The following TRAPPC8 variants were observed in gnomAD, a reference collection of about 807,000 sequenced individuals.
The protein encoded by TRAPPC8 is general sporulation gene 1 homolog.
In TRAPPC8, 54 loss-of-function variants were observed where a neutral mutation model predicts 174.3. The observed-to-expected ratio is 0.31, with a 90% CI of 0.25 to 0.39. The LOEUF (loss-of-function observed/expected upper bound fraction) is 0.39. Ranked by LOEUF, TRAPPC8 falls within the 10% of genes least tolerant of loss-of-function variation. The probability of loss-of-function intolerance (pLI) is 1.00; values close to 1 mark genes in which losing one functional copy is unlikely to be tolerated. For synonymous variants in TRAPPC8, 630 were observed against 579.9 expected (o/e 1.09, Z -1.24); for missense variants, 1,531 against 1,699.1 (o/e 0.90, Z 1.74).
At chr18:31,877,703 C>T (rs1481944505) in intron 12 of TRAPPC8, among the ~76,000 whole-genome samples, 1 of 150,824 alleles carries the variant, frequency 6.6e-6, no homozygotes, top group Non-Finnish European at 1.5e-5. Flanking sequence ...GCGGGTGGAT[C>T]ACCTGAGGTT....
At chr18:31,875,315 TATA>T (rs932874134) in intron 12 of TRAPPC8, among the ~76,000 whole-genome samples, 40 of 148,980 alleles carry the variant, frequency 2.7e-4, no homozygotes, top group Non-Finnish European at 4.5e-4. Flanking sequence ...ACAAATAATA[TATA>T]ATAATATATA....
intron 12 of TRAPPC8, among the ~76,000 whole-genome samples, chr18:31,888,165 C>T (rs112748337): frequency 0.059 from 9,023 of 152,250 alleles, 282 homozygotes; most frequent in Middle Eastern, 0.11. Context: ...GAATGCTCAA[C>T]ATCACTGATC....
intron 4 of TRAPPC8, among the ~76,000 whole-genome samples, chr18:31,914,895 G>T (rs1290231899): frequency 6.6e-6 from 1 of 152,016 alleles, no homozygotes; most frequent in East Asian, 1.9e-4. Flanking sequence ...ATATTAAAGG[G>T]AACATTAAAA....
At position 31,866,868 on chromosome 18, in the gene TRAPPC8, A is replaced by G. The variant is rs1433464741; in HGVS notation, c.2571T>C (p.Ala857=). ...QGSMTVDGIG[A]LPGCHTGKYS... is the part of the protein sequence containing the mutation. ...CTTTACCTGTGTGACATCCGGGAAG[A>G]GCACCAATGCCATCTACTGTCATAG... is the stretch of plus-strand genomic sequence containing the variant. Residue 857 remains alanine (A), a synonymous_variant, in exon 18 of 29, where the codon GCT becomes GCC. Transcript: ENST00000283351. 6.2e-7 allele frequency: 1 copy of G among 1,613,472 alleles called. No homozygotes were observed. The highest frequency in any genetic ancestry group is 1.7e-5 in the Admixed American group (1 of 59,998).
chr18:31,878,033 C>T (rs974336827), intron 12 of TRAPPC8, among the ~76,000 whole-genome samples: 1 of 152,046 alleles, frequency 6.6e-6, no homozygotes, highest in African/African-American at 2.4e-5. Flanking sequence ...GGTGGACAAG[C>T]TGCAAAGCTG....
chr18:31,924,932 T>C (rs1483503774), intron 2 of TRAPPC8, among the ~76,000 whole-genome samples: 1 of 151,832 alleles, frequency 6.6e-6, no homozygotes, highest in African/African-American at 2.4e-5. Context: ...CTATAAATGA[T>C]CTGCCAAACC....
chr18:31,931,063 ATTAC>A (rs1209741713), intron 2 of TRAPPC8, among the ~76,000 whole-genome samples: 1 of 152,208 alleles, frequency 6.6e-6, no homozygotes, highest in African/African-American at 2.4e-5. Flanking sequence ...TAATTATAAT[ATTAC>A]TTATGTCACA....
At position 31,864,805 on chromosome 18, in the gene TRAPPC8, C is replaced by T. The variant is rs1360293237; in HGVS notation, c.2591-24G>A. ...TCCTGAAATAAAAAACAATCAATGC[C>T]CTAAAATAATTTGGTATGTTAACTG... is the stretch of plus-strand genomic sequence containing the variant. On this transcript the variant is annotated intron_variant, in intron 18 of 28. Transcript: ENST00000283351. 6 of 1,582,984 alleles carry T rather than the reference C, an allele frequency of 3.8e-6. No homozygotes were observed. In the South Asian group the frequency reaches 7.0e-5, roughly 18 times the overall value.
intron 19 of TRAPPC8, among the ~76,000 whole-genome samples, chr18:31,859,667 C>T (rs1403354874): frequency 1.3e-5 from 2 of 152,134 alleles, no homozygotes; most frequent in Admixed American, 1.3e-4. Flanking sequence ...GTGGTACCAA[C>T]TATGTATAGG....
intron 12 of TRAPPC8, among the ~76,000 whole-genome samples, chr18:31,883,914 CGTG>C (rs1231101611): frequency 1.3e-5 from 2 of 152,112 alleles, no homozygotes; most frequent in African/African-American, 4.8e-5. Flanking sequence ...GGAGGTCGAG[CGTG>C]GTGACTTACA....
intron 10 of TRAPPC8, among the ~76,000 whole-genome samples, chr18:31,900,469 G>A (rs1215252518): frequency 6.6e-6 from 1 of 152,068 alleles, no homozygotes; most frequent in Non-Finnish European, 1.5e-5. Flanking sequence ...TTCTTTCAAG[G>A]TCTATCCATC....
intron 27 of TRAPPC8, among the ~76,000 whole-genome samples, chr18:31,836,163 C>T (rs146627323): frequency 4.5e-4 from 68 of 152,268 alleles, no homozygotes; most frequent in African/African-American, 1.5e-3. Flanking sequence ...CTAGAGATGC[C>T]GGTACCCTGC....
In TRAPPC8 at chr18:31,877,878, G is replaced by A. The variant is rs1489962443; in HGVS notation, c.1729-3174C>T. ...GCAGAGATTGCAGTGAGCCGAGATC[G>A]CACCATTGCACTCCAGCCTGGGTAA... On this transcript the variant is annotated intron_variant, in intron 12 of 28. Coordinates refer to ENST00000283351, the MANE Select transcript of TRAPPC8 (RefSeq NM_014939.5). Among the ~76,000 whole-genome samples, 7 of 148,512 alleles carry A rather than the reference G, an allele frequency of 4.7e-5. No homozygotes were observed. The South Asian group carries it at 8.5e-4, about 18-fold the overall frequency.
At chr18:31,917,983 G>C (rs112129517) in intron 2 of TRAPPC8, among the ~76,000 whole-genome samples, 1 of 151,888 alleles carries the variant, frequency 6.6e-6, no homozygotes, top group Non-Finnish European at 1.5e-5. Flanking sequence ...AAAATTAGCC[G>C]GGCATGGTGG....
chr18:31,874,990 T>A (rs2145226427), intron 12 of TRAPPC8, among the ~76,000 whole-genome samples: 1 of 152,246 alleles, frequency 6.6e-6, no homozygotes, highest in East Asian at 1.9e-4. Flanking sequence ...ACCCACTACT[T>A]CTCTGAGCCA....
intron 10 of TRAPPC8, among the ~76,000 whole-genome samples, chr18:31,898,624 T>TA (rs2036281659): frequency 6.6e-6 from 1 of 152,256 alleles, no homozygotes; most frequent in Admixed American, 6.5e-5. Context: ...CCCCTGGTAG[T>TA]ACCATTAGGA....
At chr18:31,877,987 T>A (rs1439184331) in intron 12 of TRAPPC8, among the ~76,000 whole-genome samples, 1 of 150,804 alleles carries the variant, frequency 6.6e-6, no homozygotes, top group Non-Finnish European at 1.5e-5. Context: ...AAGGCCCAAT[T>A]CCCCCTCCCT....
At chr18:31,859,154 G>A (rs1055125946) in intron 19 of TRAPPC8, among the ~76,000 whole-genome samples, 4 of 152,074 alleles carry the variant, frequency 2.6e-5, no homozygotes, top group Non-Finnish European at 5.9e-5. Flanking sequence ...TAACATCTAA[G>A]CAAGCAGGAA....
In TRAPPC8 at chr18:31,942,796, CT is replaced by C; in HGVS notation, c.-33del. The C allele has an allele frequency of 5.1e-6, 7 of 1,366,460 alleles. No homozygotes were observed. The highest frequency in any genetic ancestry group is 6.7e-6 in the Non-Finnish European group (7 of 1,050,352). 84.6% of individuals were successfully genotyped at this position (1,366,460 alleles called of 1,614,324 possible). ...AGCACAGGCAGCGGCGGCGCCCGCC[CT>C]CCGGCCCACCCTGCGAGGTTATCCT... On this transcript the variant is annotated 5_prime_UTR_variant, in exon 1 of 29. Transcript: ENST00000283351.
Sources: allele counts gnomAD v4.1 joint callset (sites outside exome capture counted in the v4.1 genomes callset), GRCh38; gene constraint gnomAD v4.1.1; transcripts MANE v1.5; gene names NCBI Gene and HGNC (gene_info 2026-07-23, HGNC 2026-07-21).